RABGAP1L: variants seen among roughly 807,000 people sequenced by gnomAD.
RABGAP1L encodes rab GTPase-activating protein 1-like.
RABGAP1L carries 63 observed loss-of-function variants against 137.7 expected under a neutral mutation model. The ratio of observed to expected loss-of-function variants is 0.46; its 90% confidence interval spans 0.37 to 0.56. The LOEUF (loss-of-function observed/expected upper bound fraction) is 0.56, where lower values mean the gene tolerates loss of function less well. Among genes scored for constraint, RABGAP1L ranks in the 20% least tolerant of loss-of-function variants. The probability of loss-of-function intolerance (pLI) is 0.00; values close to 1 mark genes in which losing one functional copy is unlikely to be tolerated. For missense variants in RABGAP1L, 1,095 were observed against 1,244.0 expected (o/e 0.88, Z 1.80); for synonymous variants, 431 against 433.7 (o/e 0.99, Z 0.08).
chr1:174,727,541 A>G (rs969886758), intron 17 of RABGAP1L, among the ~76,000 whole-genome samples: 2 of 152,360 alleles, frequency 1.3e-5, no homozygotes, highest in South Asian at 2.1e-4. Context: ...ATGGAGATGG[A>G]TGGGAAGAGG....
At chr1:174,233,148 C>T (rs1670829054) in intron 4 of RABGAP1L, among the ~76,000 whole-genome samples, 1 of 152,142 alleles carries the variant, frequency 6.6e-6, no homozygotes, top group Admixed American at 6.6e-5. Context: ...TTCAAGAGGA[C>T]TCCCTTCTCT....
chr1:174,478,384 C>A lies in RABGAP1L; in HGVS notation c.1710+84239C>A, dbSNP rs568176492. Among the ~76,000 whole-genome samples, 7 of 151,910 alleles carry A rather than the reference C, an allele frequency of 4.6e-5. No individual in the cohort carries two copies. The East Asian group carries it at 1.4e-3, about 29-fold the overall frequency. Reference sequence around the variant, plus strand: ...CTCCTGGGCTCAAGCAATCTTCCTGCCTTAGTCTCCTTAGTAGCTAGTACT... The same window carrying A: ...CTCCTGGGCTCAAGCAATCTTCCTGACTTAGTCTCCTTAGTAGCTAGTACT... On this transcript the variant is annotated intron_variant, in intron 13 of 25. Coordinates refer to ENST00000681986, the MANE Select transcript of RABGAP1L (RefSeq NM_001366446.1).
rs11339856 is a variant in RABGAP1L, at chr1:174,797,006, CAA to C, written c.2212-14815_2212-14814del. On this transcript the variant is annotated intron_variant, in intron 18 of 25. Transcript: ENST00000681986. ...TGGGCAACAGAGCGAGACTCTGTCT[CAA>C]AAAAAAAAAATCATATTTTAATTAT... Among the ~76,000 whole-genome samples, 194 of 148,648 alleles carry C rather than the reference CAA, an allele frequency of 1.3e-3. 1 individual carries two copies. Among genetic ancestry groups the C allele is most frequent in the African/African-American group, 3.1e-3 (126 of 40,548 alleles).
At chr1:174,676,924 T>G (rs143446133) in intron 14 of RABGAP1L, among the ~76,000 whole-genome samples, 1 of 152,308 alleles carries the variant, frequency 6.6e-6, no homozygotes, top group East Asian at 1.9e-4. Flanking sequence ...GATATCATTT[T>G]CTAAAGGAGT....
Position 174,403,201 on chromosome 1 carries a change from A to T in RABGAP1L, c.1710+9056A>T, listed in dbSNP as rs577349033. 1.2e-4 allele frequency among the ~76,000 whole-genome samples: 16 copies of T among 138,502 alleles called. No individual in the cohort carries two copies. In the East Asian group the frequency reaches 1.7e-3, roughly 14 times the overall value. The allele number at this position is 138,502 out of a possible 152,430, so 90.9% of individuals were successfully genotyped here. On this transcript the variant is annotated intron_variant, in intron 13 of 25. Coordinates refer to ENST00000681986, the MANE Select transcript of RABGAP1L (RefSeq NM_001366446.1). ...TTCTTTCGAAAGTGTATGTGGTTAT[A>T]TATGAGAGTGTGTGTGTGTGTGTGT...
chr1:174,610,757 T>A lies in RABGAP1L; in HGVS notation c.1711-26618T>A, dbSNP rs576230134. Reference sequence around the variant, plus strand: ...TTAATGATCACCATTCTAACTGGTGTGAGATAGTATCTCATTGTGGTTTTG... The same window carrying A: ...TTAATGATCACCATTCTAACTGGTGAGAGATAGTATCTCATTGTGGTTTTG... On this transcript the variant is annotated intron_variant, in intron 13 of 25. Transcript: ENST00000681986. Among the ~76,000 whole-genome samples the A allele has an allele frequency of 4.6e-5, 7 of 152,372 alleles. No individual in the cohort carries two copies. The South Asian group carries it at 1.4e-3, about 32-fold the overall frequency.
At chr1:174,224,873 C>G (rs1214066440) in intron 3 of RABGAP1L, among the ~76,000 whole-genome samples, 2 of 151,806 alleles carry the variant, frequency 1.3e-5, no homozygotes, top group Non-Finnish European at 2.9e-5. Context: ...TCTTTGCTTT[C>G]AGTACTTTTA....
intron 13 of RABGAP1L, among the ~76,000 whole-genome samples, chr1:174,481,765 C>A (rs1348179716): frequency 6.6e-6 from 1 of 151,804 alleles, no homozygotes; most frequent in Non-Finnish European, 1.5e-5. Context: ...CCAAAGATCC[C>A]CATGTCTTAT....
intron 14 of RABGAP1L, among the ~76,000 whole-genome samples, chr1:174,664,701 C>G (rs1353801265): frequency 1.4e-5 from 2 of 141,590 alleles, no homozygotes; most frequent in East Asian, 3.9e-4. Context: ...GGTTCTTTCT[C>G]TCTCTCTCTC....
At chr1:174,818,465 G>A (rs1462306976) in intron 19 of RABGAP1L, among the ~76,000 whole-genome samples, 2 of 152,162 alleles carry the variant, frequency 1.3e-5, no homozygotes, top group Non-Finnish European at 2.9e-5. Context: ...GTTAAGTTAT[G>A]ACAAATAAAA....
intron 4 of RABGAP1L, among the ~76,000 whole-genome samples, chr1:174,233,765 A>C (rs1308693449): frequency 2.7e-4 from 37 of 135,770 alleles, no homozygotes; most frequent in African/African-American, 1.1e-3. Context: ...ATTTATAGTC[A>C]TTTGGGTATA....
intron 19 of RABGAP1L, among the ~76,000 whole-genome samples, chr1:174,926,443 G>GT: frequency 6.6e-6 from 1 of 152,176 alleles, no homozygotes; most frequent in East Asian, 1.9e-4. Flanking sequence ...GTTAACAAAA[G>GT]TTTTTAGAAA....
chr1:174,911,032 T>C (rs759068541), intron 19 of RABGAP1L, among the ~76,000 whole-genome samples: 3 of 152,220 alleles, frequency 2.0e-5, no homozygotes, highest in Non-Finnish European at 2.9e-5. Context: ...TCTGATTGCA[T>C]TTCCTTAATG....
intron 11 of RABGAP1L, among the ~76,000 whole-genome samples, chr1:174,336,589 A>G (rs1681483911): frequency 6.6e-6 from 1 of 152,196 alleles, no homozygotes; most frequent in Admixed American, 6.5e-5. Context: ...TCTTGTTAAA[A>G]CGAAGCTTTA....
At chr1:174,553,013 G>A (rs907380344) in intron 13 of RABGAP1L, among the ~76,000 whole-genome samples, 3 of 151,834 alleles carry the variant, frequency 2.0e-5, no homozygotes, top group Non-Finnish European at 4.4e-5. Context: ...ATTATTTTTG[G>A]CCACATATAT....
chr1:174,849,712 C>A, intron 19 of RABGAP1L: 1 of 445,702 alleles, frequency 2.2e-6, no homozygotes, highest in African/African-American at 2.0e-5. Context: ...GAGATTTCGA[C>A]TTCTGAATTC....
chr1:174,533,475 CTCT>C (rs1664615914), intron 13 of RABGAP1L, among the ~76,000 whole-genome samples: 1 of 152,016 alleles, frequency 6.6e-6, no homozygotes, highest in African/African-American at 2.4e-5. Flanking sequence ...ACAATCCCTC[CTCT>C]TCCTCCTCCT....
chr1:174,889,646 G>T (rs185431204), intron 19 of RABGAP1L, among the ~76,000 whole-genome samples: 1 of 151,774 alleles, frequency 6.6e-6, no homozygotes. Flanking sequence ...GCTTAGGTTG[G>T]TCTTGAACTT....
At chr1:174,826,629 G>A (rs903076926) in intron 19 of RABGAP1L, among the ~76,000 whole-genome samples, 1 of 152,054 alleles carries the variant, frequency 6.6e-6, no homozygotes, top group African/African-American at 2.4e-5. Context: ...GTGTCTTTTT[G>A]GTAGAACAAT....
Sources: allele counts gnomAD v4.1 joint callset (sites outside exome capture counted in the v4.1 genomes callset), GRCh38; gene constraint gnomAD v4.1.1; transcripts MANE v1.5; gene names NCBI Gene and HGNC (gene_info 2026-07-23, HGNC 2026-07-21).